SMIM31: variants seen among roughly 807,000 people sequenced by gnomAD.
SMIM31 encodes small integral membrane protein 31, also known as human epithelial cell program regulator.
intron 2 of SMIM31, among the ~76,000 whole-genome samples, chr4:164,792,029 A>G (rs1479479003): frequency 6.6e-6 from 1 of 152,202 alleles, no homozygotes; most frequent in African/African-American, 2.4e-5. Context: ...TTGCTACACA[A>G]AGTTCCATTG....
intron 2 of SMIM31, among the ~76,000 whole-genome samples, chr4:164,798,943 C>A (rs367564598): frequency 8.5e-5 from 13 of 152,252 alleles, no homozygotes; most frequent in African/African-American, 3.1e-4. Flanking sequence ...CCCTCTTGTT[C>A]CTGCTTTCAC....
Position 164,790,029 on chromosome 4 carries a change from A to G in SMIM31, c.113-11062A>G, listed in dbSNP as rs539432728. On this transcript the variant is annotated intron_variant, in intron 2 of 2. Coordinates refer to ENST00000507311, the MANE Select transcript of SMIM31 (RefSeq NM_001352885.1). ...GACTTCATTCAGCTTTCCTTTCTTCAGGTTATGCCTACTTCTGTCTCACGA... is the reference window on the plus strand; with the variant it reads ...GACTTCATTCAGCTTTCCTTTCTTCGGGTTATGCCTACTTCTGTCTCACGA... Among the ~76,000 whole-genome samples, 3 of 152,306 alleles carry G rather than the reference A, an allele frequency of 2.0e-5. No homozygotes were observed. In the East Asian group the frequency reaches 5.8e-4, roughly 29 times the overall value.
At chr4:164,769,016 C>T (rs1004582147) in intron 1 of SMIM31, among the ~76,000 whole-genome samples, 1 of 152,018 alleles carries the variant, frequency 6.6e-6, no homozygotes, top group Non-Finnish European at 1.5e-5. Context: ...TCTTTGTCTC[C>T]CCTCTTTCTC....
chr4:164,791,254 C>T (rs933119398), intron 2 of SMIM31, among the ~76,000 whole-genome samples: 7 of 152,122 alleles, frequency 4.6e-5, no homozygotes, highest in African/African-American at 1.4e-4. Context: ...ATCTGTTAGA[C>T]ATACAAATTT....
At position 164,785,090 on chromosome 4, in the gene SMIM31, G is replaced by T. The variant is rs1208787042; in HGVS notation, c.112+14535G>T. Among the ~76,000 whole-genome samples, 7 of 152,038 alleles carry T rather than the reference G, an allele frequency of 4.6e-5. No individual in the cohort carries two copies. In the East Asian group the frequency reaches 1.2e-3, roughly 25 times the overall value. On this transcript the variant is annotated intron_variant, in intron 2 of 2. Coordinates refer to ENST00000507311, the MANE Select transcript of SMIM31 (RefSeq NM_001352885.1). ...AATACAAAAAAGTTAGCCGGGTGTG[G>T]TGGCATGCACCTGTAATCCCAGCTA...
intron 1 of SMIM31, among the ~76,000 whole-genome samples, chr4:164,758,643 T>G (rs1008851161): frequency 4.5e-5 from 6 of 133,260 alleles, no homozygotes; most frequent in South Asian, 5.4e-4. Context: ...TTTTTTTTTT[T>G]TTTTTTTTGA....
intron 1 of SMIM31, among the ~76,000 whole-genome samples, chr4:164,757,045 T>C (rs1191322424): frequency 1.3e-5 from 2 of 152,256 alleles, no homozygotes; most frequent in Non-Finnish European, 2.9e-5. Flanking sequence ...TAACATTGTA[T>C]GAGCATTTCA....
At chr4:164,779,757 C>A (rs1311525407) in intron 2 of SMIM31, among the ~76,000 whole-genome samples, 1 of 152,136 alleles carries the variant, frequency 6.6e-6, no homozygotes, top group East Asian at 1.9e-4. Context: ...ATCCTCTCTG[C>A]ATCAATGTTC....
chr4:164,798,750 T>G (rs947722902), intron 2 of SMIM31, among the ~76,000 whole-genome samples: 6 of 152,246 alleles, frequency 3.9e-5, no homozygotes, highest in East Asian at 1.9e-4. Context: ...TGTTGTCCCC[T>G]CTAAATCTCA....
chr4:164,793,870 A>G (rs1435946031), intron 2 of SMIM31, among the ~76,000 whole-genome samples: 1 of 152,200 alleles, frequency 6.6e-6, no homozygotes, highest in African/African-American at 2.4e-5. Flanking sequence ...TTAAAGATCT[A>G]AACGTAAGAC....
intron 2 of SMIM31, among the ~76,000 whole-genome samples, chr4:164,780,560 T>C (rs921016500): frequency 1.3e-5 from 2 of 152,234 alleles, no homozygotes; most frequent in Non-Finnish European, 2.9e-5. Context: ...TGGATTATTT[T>C]AAAATAGAAG....
chr4:164,782,256 C>G (rs1414404095), intron 2 of SMIM31, among the ~76,000 whole-genome samples: 1 of 151,542 alleles, frequency 6.6e-6, no homozygotes, highest in East Asian at 2.0e-4. Context: ...CGCCATTGCA[C>G]TCCACCTGGG....
At chr4:164,792,838 GT>G (rs11303356) in intron 2 of SMIM31, among the ~76,000 whole-genome samples, 2,733 of 152,182 alleles carry the variant, frequency 0.018, 40 homozygotes, top group African/African-American at 0.044. Context: ...TAAGAGCAAA[GT>G]TGGAAGACTC....
At chr4:164,777,001 A>G (rs1658929224) in intron 2 of SMIM31, among the ~76,000 whole-genome samples, 1 of 152,242 alleles carries the variant, frequency 6.6e-6, no homozygotes, top group African/African-American at 2.4e-5. Context: ...GGACTTGTAT[A>G]TGAGCAGAAT....
chr4:164,755,673 T>C (rs927069278), intron 1 of SMIM31, among the ~76,000 whole-genome samples: 1 of 151,404 alleles, frequency 6.6e-6, no homozygotes, highest in East Asian at 2.0e-4. Context: ...AAAATTGAAA[T>C]TGAATGAAAC....
chr4:164,799,586 A>G (rs1733256848), intron 2 of SMIM31, among the ~76,000 whole-genome samples: 1 of 152,114 alleles, frequency 6.6e-6, no homozygotes, highest in Non-Finnish European at 1.5e-5. Context: ...CAGGCCCTCA[A>G]CAGGTTGAAT....
chr4:164,762,720 T>C (rs1732668748), intron 1 of SMIM31, among the ~76,000 whole-genome samples: 1 of 149,120 alleles, frequency 6.7e-6, no homozygotes, highest in Admixed American at 6.7e-5. Flanking sequence ...GTGTTCAGTA[T>C]CTAATCAGAG....
chr4:164,774,090 C>T (rs1034162470), intron 2 of SMIM31, among the ~76,000 whole-genome samples: 3 of 149,516 alleles, frequency 2.0e-5, no homozygotes, highest in South Asian at 2.1e-4. Context: ...GGCATGAACC[C>T]GGGAGGTGGA....
intron 2 of SMIM31, among the ~76,000 whole-genome samples, chr4:164,788,643 C>A (rs1405709771): frequency 6.6e-6 from 1 of 151,294 alleles, no homozygotes; most frequent in African/African-American, 2.4e-5. Flanking sequence ...GCATGCACCA[C>A]CACGCCCGGC....
Sources: allele counts gnomAD v4.1 joint callset (sites outside exome capture counted in the v4.1 genomes callset), GRCh38; gene constraint gnomAD v4.1.1; transcripts MANE v1.5; gene names NCBI Gene and HGNC (gene_info 2026-07-23, HGNC 2026-07-21).